ABCC11: variants seen among roughly 807,000 people sequenced by gnomAD.
ABCC11 encodes the protein ATP-binding cassette sub-family C member 11.
Under a neutral mutation model 149.3 loss-of-function variants are expected in ABCC11, and 135 were observed. The observed-to-expected ratio is 0.90, with a 90% CI of 0.79 to 1.04. The LOEUF (loss-of-function observed/expected upper bound fraction) is 1.04, where lower values mean the gene tolerates loss of function less well. ABCC11 is among the 50% of genes least tolerant of loss of function. The pLI, the probability that ABCC11 is intolerant of heterozygous loss-of-function variation, is 0.00. For synonymous variants in ABCC11, 665 were observed against 671.4 expected, an observed-to-expected ratio of 0.99 and a Z score of 0.15; for missense variants, 1,680 against 1,722.1, an observed-to-expected ratio of 0.98 and a Z score of 0.43.
At chr16:48,165,638 T>C (rs1218950694), downstream of ABCC11, 1 of 152,306 alleles carries the variant, frequency 6.6e-6, no homozygotes, top group Non-Finnish European at 1.5e-5. Flanking sequence ...TAGCCTCAGG[T>C]AGCCCTGTTC....
At chr16:48,225,903 G>C (rs1313555786) in intron 4 of ABCC11, among the ~76,000 whole-genome samples, 1 of 152,206 alleles carries the variant, frequency 6.6e-6, no homozygotes, top group Non-Finnish European at 1.5e-5. Context: ...GATTGCAAAA[G>C]TGTTTGTGGA....
intron 1 of ABCC11, among the ~76,000 whole-genome samples, chr16:48,246,722 G>C (rs1971409550): frequency 6.6e-6 from 1 of 152,040 alleles, no homozygotes. Context: ...CTATAGGCGT[G>C]CACCACTACA....
At chr16:48,184,407 T>G (rs1402995247) in intron 23 of ABCC11, 33 bp downstream of exon 23, 1 of 1,602,680 alleles carries the variant, frequency 6.2e-7, no homozygotes, top group East Asian at 2.2e-5. Context: ...TGAGCAAAGC[T>G]CAGAGAGGGC....
At chr16:48,169,390 G>T (rs1965547366) in intron 28 of ABCC11, among the ~76,000 whole-genome samples, 1 of 152,154 alleles carries the variant, frequency 6.6e-6, no homozygotes, top group African/African-American at 2.4e-5. Flanking sequence ...ATTAATTTTT[G>T]TAGAAGGTGT....
intron 14 of ABCC11, among the ~76,000 whole-genome samples, chr16:48,202,257 C>G (rs988100267): frequency 1.3e-5 from 2 of 152,134 alleles, no homozygotes; most frequent in African/African-American, 4.8e-5. Flanking sequence ...ATTGAAGAAA[C>G]AACCTTGAAT....
Position 48,175,338 on chromosome 16 carries a change from A to C in ABCC11, c.3618T>G (p.Ile1206Met). Residue 1206 changes from isoleucine to methionine, a missense_variant, in exon 26 of 30, where the codon ATT (isoleucine) becomes ATG (methionine). By Grantham distance (10) the Ile-to-Met change is conservative. Transcript: ENST00000356608. ...AGRILIDGVD[I>M]CSIGLEDLRS... ...GCAAGTCCTCCAGGCCGATGCTGCA[A>C]ATGTCCACGCCGTCAATGAGAATCC... 6.2e-7 allele frequency: 1 copy of C among 1,614,168 alleles called. No individual in the cohort carries two copies. Among genetic ancestry groups the C allele is most frequent in the Non-Finnish European group, 8.5e-7 (1 of 1,179,992 alleles).
At chr16:48,167,451 G>A (rs1338096424) in intron 29 of ABCC11, 45 bp downstream of exon 29, 1 of 1,612,494 alleles carries the variant, frequency 6.2e-7, no homozygotes, top group Non-Finnish European at 8.5e-7. Flanking sequence ...TGGGGTAGCA[G>A]CCTGAGCCCT....
chr16:48,221,279 T>A (rs913928498), intron 6 of ABCC11, among the ~76,000 whole-genome samples: 2 of 152,166 alleles, frequency 1.3e-5, no homozygotes, highest in Non-Finnish European at 2.9e-5. Context: ...AATTAAAGTA[T>A]CTGTTTCAAT....
chr16:48,228,252 C>A (rs1596836924), intron 3 of ABCC11, among the ~76,000 whole-genome samples: 1 of 148,578 alleles, frequency 6.7e-6, no homozygotes, highest in South Asian at 2.1e-4. Flanking sequence ...ATGTAAAACA[C>A]AGGAAGAGTT....
intron 22 of ABCC11, among the ~76,000 whole-genome samples, chr16:48,186,474 C>A (rs777381923): frequency 7.2e-5 from 11 of 152,320 alleles, no homozygotes; most frequent in Admixed American, 1.3e-4. Flanking sequence ...GTTCGTGTTA[C>A]ACCATTAAAC....
At chr16:48,231,981 G>A in intron 1 of ABCC11, 42 bp from the exon 2 acceptor site, 2 of 1,611,108 alleles carry the variant, frequency 1.2e-6, no homozygotes, top group Non-Finnish European at 1.7e-6. Context: ...GACAGCAGGA[G>A]TTAGAAGAAG....
chr16:48,203,246 G>T lies in ABCC11; in HGVS notation c.1860C>A (p.Pro620=). The stretch of plus-strand genomic sequence containing the variant: ...CTCTCACCTCTGTCATGTCTCCAAA[G>T]GGCAGAAGTTCCAGGTCCCGATTCA... The part of the protein sequence containing the change: ...CSLNRDLELL[P]FGDMTEIGER... Residue 620 remains proline, a synonymous_variant, in exon 14 of 30, where the codon CCC becomes CCA. Transcript: ENST00000356608. The T allele has an allele frequency of 6.3e-7, 1 of 1,579,616 alleles. No homozygotes were observed. Among genetic ancestry groups the T allele is most frequent in the East Asian group, 2.3e-5 (1 of 43,676 alleles).
At chr16:48,208,057 G>A (rs1968596070) in intron 12 of ABCC11, among the ~76,000 whole-genome samples, 1 of 151,612 alleles carries the variant, frequency 6.6e-6, no homozygotes. Flanking sequence ...TTTTTATAGG[G>A]ACCATTGCAA....
intron 20 of ABCC11, among the ~76,000 whole-genome samples, chr16:48,188,009 C>T (rs1398697492): frequency 5.9e-5 from 9 of 152,130 alleles, no homozygotes; most frequent in Non-Finnish European, 8.8e-5. Context: ...CAGGAGTTAC[C>T]GCCTCTTTCT....
At chr16:48,180,085 T>C (rs894207504) in intron 23 of ABCC11, among the ~76,000 whole-genome samples, 5 of 152,220 alleles carry the variant, frequency 3.3e-5, no homozygotes, top group South Asian at 4.1e-4. Context: ...GCCAGCATCA[T>C]GTTCAGGTGT....
rs1969093332 is a variant in ABCC11, at chr16:48,213,509, T to C, written c.1290A>G (p.Ser430=). 2 of 1,611,344 alleles carry C rather than the reference T, an allele frequency of 1.2e-6. No individual in the cohort carries two copies. Among genetic ancestry groups the C allele is most frequent in the Non-Finnish European group, 1.7e-6 (2 of 1,178,760 alleles). Residue 430 remains serine (S), a synonymous_variant, in exon 10 of 30, where the codon TCA becomes TCG. Coordinates refer to ENST00000356608, the MANE Select transcript of ABCC11 (RefSeq NM_001370497.1). ...MLASLNLLRL[S]VFFVPIAVKG... ...TGACTGCAATAGGCACAAAGAACAC[T>C]GACAGCCGAAGGAGATTCAAGGAGG...
rs763940749 is a variant in ABCC11 at position 48,227,984 on chromosome 16, G to T, written c.237-20C>A. 4 of 1,590,318 alleles carry T rather than the reference G, an allele frequency of 2.5e-6. No individual in the cohort carries two copies. The highest frequency in any genetic ancestry group is 3.4e-6 in the Non-Finnish European group (4 of 1,166,930). On this transcript the variant is annotated intron_variant, in intron 3 of 29. Transcript: ENST00000356608. Reference sequence around the variant, plus strand: ...GGAAACCTAGTAGAGGGGCCACAAGGATAAGAATGAATTCAGGATCAAGAT... The same window carrying T: ...GGAAACCTAGTAGAGGGGCCACAAGTATAAGAATGAATTCAGGATCAAGAT...
At chr16:48,192,854 C>T (rs541224709) in intron 19 of ABCC11, 137 bp from the exon 20 acceptor site, 81 of 808,586 alleles carry the variant, frequency 1.0e-4, no homozygotes, top group Middle Eastern at 7.4e-4. Context: ...CCCTGCTCAG[C>T]GCTTGGCTAC....
intron 22 of ABCC11, 83 bp from the exon 23 acceptor site, chr16:48,184,709 C>T: frequency 7.2e-7 from 1 of 1,392,988 alleles, no homozygotes; most frequent in Non-Finnish European, 9.8e-7. Context: ...CGGCTGCTTC[C>T]TCCAGCATCC....
Sources: allele counts gnomAD v4.1 joint callset (sites outside exome capture counted in the v4.1 genomes callset), GRCh38; gene constraint gnomAD v4.1.1; transcripts MANE v1.5; gene names NCBI Gene and HGNC (gene_info 2026-07-23, HGNC 2026-07-21).